Variants in CNTRL observed in about 807,000 individuals in gnomAD.
CNTRL encodes the protein centriolin, also known as 110 kDa centrosomal protein.
A neutral mutation model predicts 303.7 loss-of-function variants in CNTRL; 233 were observed. The observed-to-expected ratio is 0.77, with a 90% CI of 0.69 to 0.86. CNTRL has a LOEUF of 0.86. Ranked by LOEUF, CNTRL falls within the 40% of genes least tolerant of loss-of-function variation. CNTRL has a pLI of 0.00. For synonymous variants in CNTRL, 900 were observed against 922.2 expected (o/e 0.98, Z 0.44); for missense variants, 2,524 against 2,650.6 (o/e 0.95, Z 1.05).
intron 23 of CNTRL, among the ~76,000 whole-genome samples, chr9:121,148,146 T>C (rs1038241574): frequency 6.6e-6 from 1 of 152,172 alleles, no homozygotes; most frequent in Non-Finnish European, 1.5e-5. Context: ...GTCTCATCAC[T>C]ATGGAGAACT....
At chr9:121,130,183 T>G (rs546701015) in intron 14 of CNTRL, among the ~76,000 whole-genome samples, 30 of 152,348 alleles carry the variant, frequency 2.0e-4, no homozygotes, top group African/African-American at 7.2e-4. Context: ...TTCTATTCAT[T>G]GGAAGAGTTT....
Position 121,088,323 on chromosome 9 carries a change from T to G in CNTRL, c.-4T>G. The G allele has an allele frequency of 6.3e-7, 1 of 1,590,998 alleles. No homozygotes were observed. ...TTTGATGAACACCTGGCTTTATTCTTGCAATGAAGAAAGGTTCTCAACAAA... is the reference window on the plus strand; with the variant it reads ...TTTGATGAACACCTGGCTTTATTCTGGCAATGAAGAAAGGTTCTCAACAAA... On this transcript the variant is annotated 5_prime_UTR_variant, in exon 3 of 44. Coordinates refer to ENST00000373855, the MANE Select transcript of CNTRL (RefSeq NM_007018.6).
chr9:121,075,441 A>G (rs2047881529), intron 1 of CNTRL, among the ~76,000 whole-genome samples: 1 of 152,164 alleles, frequency 6.6e-6, no homozygotes, highest in South Asian at 2.1e-4. Context: ...GAGCGGGAGA[A>G]AGGACAGTTT....
At chr9:121,097,023 G>T (rs145681392) in intron 6 of CNTRL, among the ~76,000 whole-genome samples, 113 of 149,306 alleles carry the variant, frequency 7.6e-4, no homozygotes, top group African/African-American at 2.7e-3. Context: ...AGTTTATTTT[G>T]ATTATAATGT....
Position 121,150,215 on chromosome 9 carries a change from A to ATAG in CNTRL, c.3695_3696insTAG (p.Asp1232_Gln1233insSer). The ATAG allele has an allele frequency of 6.2e-7, 1 of 1,614,006 alleles. No homozygotes were observed. The highest frequency in any genetic ancestry group is 1.1e-5 in the South Asian group (1 of 91,070). On this transcript the variant is annotated inframe_insertion, in exon 25 of 44. Coordinates refer to ENST00000373855, the MANE Select transcript of CNTRL (RefSeq NM_007018.6). ...AGTCAGGAAGAGAGTGAGCTGGATGACCAAGAAGAACCCCCATTTGTGCCT... is the reference window on the plus strand; with the variant it reads ...AGTCAGGAAGAGAGTGAGCTGGATGATAGCCAAGAAGAACCCCCATTTGTGCCT...
intron 6 of CNTRL, 32 bp from the exon 7 acceptor site, chr9:121,098,354 A>C: frequency 7.0e-7 from 1 of 1,433,004 alleles, no homozygotes; most frequent in Non-Finnish European, 9.6e-7. Flanking sequence ...TTTAAATTAA[A>C]TTATACCAAT....
chr9:121,087,108 A>G (rs2048372614), intron 2 of CNTRL, among the ~76,000 whole-genome samples: 1 of 152,204 alleles, frequency 6.6e-6, no homozygotes, highest in African/African-American at 2.4e-5. Context: ...AATGGAAAGA[A>G]GCAGACTTAA....
intron 34 of CNTRL, among the ~76,000 whole-genome samples, chr9:121,164,454 A>G (rs1245507677): frequency 6.6e-6 from 1 of 152,232 alleles, no homozygotes; most frequent in Non-Finnish European, 1.5e-5. Context: ...ACACTGTAGA[A>G]TACTACTCAG....
At position 121,161,957 on chromosome 9, in the gene CNTRL, G is replaced by A; in HGVS notation, c.5191G>A (p.Val1731Met). ...GGTATCTGAATTAGAGAAGACTCAG[G>A]TGGCAGTGCTAGAGGTAATGAACAA... is the stretch of plus-strand genomic sequence containing the variant. Reference protein sequence around the residue: ...QRVSELEKTQVAVLEEKLELE... With the variant: ...QRVSELEKTQMAVLEEKLELE... The change falls in exon 33 of 44, where the codon GTG (valine) becomes ATG (methionine). Residue 1731 changes from valine to methionine, a missense_variant. Transcript: ENST00000373855. 1 of 1,614,054 alleles carries A rather than the reference G, an allele frequency of 6.2e-7. No homozygotes were observed. The highest frequency in any genetic ancestry group is 8.5e-7 in the Non-Finnish European group (1 of 1,179,904).
In CNTRL at chr9:121,098,571, A is replaced by G; in HGVS notation, c.807A>G (p.Leu269=). 1.3e-6 allele frequency: 2 copies of G among 1,564,762 alleles called. No homozygotes were observed. ...DRQEAFERFS[L]EEVERLERDL... is the part of the protein sequence containing the mutation. The stretch of plus-strand genomic sequence containing the variant: ...AGGAGGCTTTTGAGAGATTCAGTTT[A>G]GGTAAGATTAAATTTAAAAAATAAT... The change falls in exon 7 of 44, where the codon TTA becomes TTG. Residue 269 remains leucine (L), a splice_region_variant and synonymous_variant. Coordinates refer to ENST00000373855, the MANE Select transcript of CNTRL (RefSeq NM_007018.6).
chr9:121,140,865 C>A, intron 17 of CNTRL, 79 bp downstream of exon 17: 1 of 1,381,142 alleles, frequency 7.2e-7, no homozygotes, highest in Non-Finnish European at 9.7e-7. Context: ...CAATGATAAA[C>A]TCACCTTTCT....
At chr9:121,171,712 C>A in intron 40 of CNTRL, 164 bp downstream of exon 40, 1 of 512,572 alleles carries the variant, frequency 2.0e-6, no homozygotes, top group Non-Finnish European at 3.3e-6. Context: ...AATTTAGAAA[C>A]ACACCTTGAC....
In CNTRL at chr9:121,157,558, A is replaced by G; in HGVS notation, c.4454A>G (p.Gln1485Arg). 6.2e-7 allele frequency: 1 copy of G among 1,614,206 alleles called. No homozygotes were observed. ...SDAEELERRA[Q>R]ETAVNLVKAD... Reference sequence around the variant, plus strand: ...GCTGAGGAATTAGAAAGGAGAGCTCAGGAAACTGCTGTTAACCTCGTCAAA... The same window carrying G: ...GCTGAGGAATTAGAAAGGAGAGCTCGGGAAACTGCTGTTAACCTCGTCAAA... Residue 1485 changes from glutamine to arginine, a missense_variant, in exon 28 of 44, where the codon CAG becomes CGG. Gln to Arg is a conservative substitution (Grantham distance 43, BLOSUM62 1). Transcript: ENST00000373855.
intron 27 of CNTRL, 46 bp downstream of exon 27, chr9:121,154,959 C>T (rs1046590927): frequency 3.9e-5 from 58 of 1,484,746 alleles, no homozygotes; most frequent in Non-Finnish European, 5.2e-5. Flanking sequence ...GTGGGTGAGT[C>T]AGCTTACTGT....
intron 39 of CNTRL, among the ~76,000 whole-genome samples, chr9:121,171,049 C>G (rs116755454): frequency 6.6e-6 from 1 of 152,020 alleles, no homozygotes; most frequent in Non-Finnish European, 1.5e-5. Flanking sequence ...AAAGGGGATA[C>G]GCTGATAACT....
chr9:121,157,440 A>G, intron 27 of CNTRL, 30 bp from the exon 28 acceptor site: 1 of 1,606,882 alleles, frequency 6.2e-7, no homozygotes, highest in Non-Finnish European at 8.5e-7. Context: ...ATTGTAACTG[A>G]ATGGCTTTTA....
intron 16 of CNTRL, 68 bp from the exon 17 acceptor site, chr9:121,140,573 G>A (rs1370262869): frequency 6.5e-6 from 9 of 1,382,366 alleles, no homozygotes; most frequent in Non-Finnish European, 8.8e-6. Flanking sequence ...AGATATGTTT[G>A]TTAGTTCGTT....
In CNTRL at chr9:121,162,194, T is replaced by TC; in HGVS notation, c.5346_5347insC (p.Glu1783ArgfsTer15). ...AGTCCCGAGCTTTACAATCGTGTGT[T>TC]GAGTGTTTGAGCAAAGAAAAGGAAG... is the stretch of plus-strand genomic sequence containing the variant. On this transcript the variant is annotated frameshift_variant, in exon 34 of 44. Coordinates refer to ENST00000373855, the MANE Select transcript of CNTRL (RefSeq NM_007018.6). LOFTEE classifies it high-confidence loss of function. The TC allele has an allele frequency of 6.2e-7, 1 of 1,614,194 alleles. No individual in the cohort carries two copies. The highest frequency in any genetic ancestry group is 8.5e-7 in the Non-Finnish European group (1 of 1,180,036).
chr9:121,141,486 TAGAGAG>T lies in CNTRL; in HGVS notation c.2593_2598del (p.Glu865_Arg866del), dbSNP rs750486323. 2 of 1,613,930 alleles carry T rather than the reference TAGAGAG, an allele frequency of 1.2e-6. No homozygotes were observed. Among genetic ancestry groups the T allele is most frequent in the Admixed American group, 1.7e-5 (1 of 59,994 alleles). On this transcript the variant is annotated inframe_deletion, in exon 18 of 44. Transcript: ENST00000373855. Reference sequence around the variant, plus strand: ...AGTGGGAAAGAGATGAAGCACAAGTTAGAGAGAGAAAACTCCAAGAAGAAATGGCTC... The same window carrying T: ...AGTGGGAAAGAGATGAAGCACAAGTTAGAAAACTCCAAGAAGAAATGGCTC...
Sources: gnomAD v4.1 joint callset for allele counts (sites outside exome capture counted in the v4.1 genomes callset) on GRCh38, gnomAD v4.1.1 for gene constraint, MANE v1.5 for transcripts, NCBI Gene and HGNC (gene_info 2026-07-23, HGNC 2026-07-21) for gene names.